Variants in USP48 observed in about 807,000 individuals in gnomAD.
USP48 encodes the protein ubiquitin specific peptidase 48.
USP48 carries 43 observed loss-of-function variants against 150.7 expected under a neutral mutation model. The ratio of observed to expected loss-of-function variants is 0.29; its 90% CI spans 0.22 to 0.37. USP48 has a LOEUF of 0.37. USP48 is among the 10% of genes least tolerant of loss of function. USP48 has a pLI of 1.00. For missense variants in USP48, 813 were observed against 1,249.6 expected (o/e 0.65, Z 5.27); for synonymous variants, 396 against 425.9 (o/e 0.93, Z 0.86).
At position 21,706,583 on chromosome 1, in the gene USP48, C is replaced by G; in HGVS notation, c.2095G>C (p.Glu699Gln). The G allele has an allele frequency of 6.2e-7, 1 of 1,614,166 alleles. No individual in the cohort carries two copies. The change falls in exon 17 of 27, where the codon GAA becomes CAA. Residue 699 changes from glutamate (E) to glutamine (Q), a missense_variant. Physicochemically the swap from Glu to Gln is conservative, Grantham distance 29 (BLOSUM62 2). Coordinates refer to ENST00000308271, the MANE Select transcript of USP48 (RefSeq NM_032236.8). The stretch of plus-strand genomic sequence containing the variant: ...GCTTCATTTTCTTCCCCTTCTCTTT[C>G]TAAAATCTGAAAGAGAATGAAGCAA... ...KECCSQCKILEREGEENEALH... is the reference protein window; with the variant it reads ...KECCSQCKILQREGEENEALH...
intron 25 of USP48, among the ~76,000 whole-genome samples, chr1:21,683,639 G>A (rs567651329): frequency 1.1e-4 from 16 of 152,186 alleles, no homozygotes; most frequent in South Asian, 6.2e-4. Flanking sequence ...CACTGCGCCC[G>A]GCCTATCATT....
At chr1:21,720,887 T>C (rs2097718716) in intron 14 of USP48, 149 bp downstream of exon 14, 1 of 1,016,194 alleles carries the variant, frequency 9.8e-7, no homozygotes. Context: ...TGGAGTGCAG[T>C]GGGGCTGGCA....
chr1:21,696,073 TAAAG>T (rs901369665), intron 22 of USP48, among the ~76,000 whole-genome samples: 12 of 152,174 alleles, frequency 7.9e-5, no homozygotes, highest in African/African-American at 2.9e-4. Flanking sequence ...ATAAGTAACA[TAAAG>T]AAGCAATCAG....
At chr1:21,696,312 G>A (rs2097630299) in intron 22 of USP48, among the ~76,000 whole-genome samples, 1 of 152,164 alleles carries the variant, frequency 6.6e-6, no homozygotes, top group African/African-American at 2.4e-5. Flanking sequence ...GGTGGCTCAT[G>A]CCTGTAATCC....
chr1:21,775,716 C>T (rs997838212), intron 1 of USP48, among the ~76,000 whole-genome samples: 4 of 152,170 alleles, frequency 2.6e-5, no homozygotes, highest in African/African-American at 4.8e-5. Context: ...TCCCTATACA[C>T]GGCTGGAAGC....
intron 22 of USP48, among the ~76,000 whole-genome samples, chr1:21,696,395 G>A (rs1400484211): frequency 1.3e-5 from 2 of 152,142 alleles, no homozygotes; most frequent in Admixed American, 6.5e-5. Flanking sequence ...CCGAGATTGC[G>A]CCACTGCACT....
At chr1:21,753,866 G>A (rs914117916) in intron 3 of USP48, among the ~76,000 whole-genome samples, 1 of 149,204 alleles carries the variant, frequency 6.7e-6, no homozygotes, top group African/African-American at 2.5e-5. Context: ...AGACAGGGCT[G>A]GCGCAGTGGC....
chr1:21,725,960 C>G (rs146808481), intron 11 of USP48, among the ~76,000 whole-genome samples: 1,828 of 152,210 alleles, frequency 0.012, 20 homozygotes, highest in Non-Finnish European at 0.018. Context: ...AGATCAAAGT[C>G]TTAGCATACT....
intron 23 of USP48, 27 bp from the exon 24 acceptor site, chr1:21,690,126 C>A (rs760813955): frequency 6.3e-7 from 1 of 1,599,474 alleles, no homozygotes; most frequent in Non-Finnish European, 8.5e-7. Context: ...GAGAGAAAGT[C>A]CGTATAATGC....
chr1:21,710,647 T>C (rs2097687671), intron 15 of USP48, among the ~76,000 whole-genome samples: 1 of 152,180 alleles, frequency 6.6e-6, no homozygotes, highest in Non-Finnish European at 1.5e-5. Context: ...AAACCTGTGA[T>C]ACATTAAATA....
intron 16 of USP48, 68 bp from the exon 17 acceptor site, chr1:21,706,657 C>CT: frequency 6.2e-7 from 1 of 1,612,426 alleles, no homozygotes; most frequent in Admixed American, 1.7e-5. Flanking sequence ...CCCTACACCC[C>CT]CGTCAGAAGT....
chr1:21,693,832 T>TA (rs1468631244), intron 23 of USP48, among the ~76,000 whole-genome samples: 3 of 152,290 alleles, frequency 2.0e-5, no homozygotes, highest in Admixed American at 1.3e-4. Context: ...CCAAGGGAAA[T>TA]ACTGTTGTCA....
At chr1:21,737,645 G>A (rs146381008) in intron 8 of USP48, among the ~76,000 whole-genome samples, 1 of 152,102 alleles carries the variant, frequency 6.6e-6, no homozygotes, top group East Asian at 1.9e-4. Context: ...TTATTTACTG[G>A]AAAACAAAAC....
chr1:21,763,579 C>T (rs1448326258), intron 1 of USP48, among the ~76,000 whole-genome samples: 4 of 152,180 alleles, frequency 2.6e-5, no homozygotes, highest in Non-Finnish European at 5.9e-5. Flanking sequence ...TTTGAGAGGC[C>T]AAGGCGGGCA....
intron 6 of USP48, among the ~76,000 whole-genome samples, chr1:21,749,154 G>A (rs1389418371): frequency 6.6e-6 from 1 of 152,044 alleles, no homozygotes; most frequent in Admixed American, 6.6e-5. Context: ...TCAAACTCCT[G>A]AGCTCAAGCT....
intron 22 of USP48, among the ~76,000 whole-genome samples, chr1:21,697,479 T>G (rs538865755): frequency 1.3e-5 from 2 of 151,940 alleles, no homozygotes; most frequent in Admixed American, 6.6e-5. Context: ...CTGGCTAACA[T>G]GGTGAAACCC....
chr1:21,714,048 C>A (rs935060662), intron 15 of USP48, among the ~76,000 whole-genome samples: 2 of 152,156 alleles, frequency 1.3e-5, no homozygotes, highest in African/African-American at 4.8e-5. Context: ...CTAGTATCAT[C>A]AAGGGCACTT....
Position 21,736,537 on chromosome 1 carries a change from A to G in USP48, c.1080T>C (p.Asp360=), listed in dbSNP as rs1364014511. The G allele has an allele frequency of 3.8e-6, 6 of 1,599,486 alleles. No homozygotes were observed. The highest frequency in any genetic ancestry group is 2.7e-5 in the African/African-American group (2 of 73,886). The change falls in exon 9 of 27, where the codon GAT becomes GAC. Residue 360 remains aspartate (D), a synonymous_variant. Transcript: ENST00000308271. ...ACTTATACCATTCACCAGACTGTGGATCTTTCACGTGGGCGATGTAGTGGC... is the reference window on the plus strand; with the variant it reads ...ACTTATACCATTCACCAGACTGTGGGTCTTTCACGTGGGCGATGTAGTGGC... ...YSGHYIAHVK[D]PQSGEWYKFN...
chr1:21,767,230 T>C (rs1250318210), intron 1 of USP48, among the ~76,000 whole-genome samples: 1 of 152,152 alleles, frequency 6.6e-6, no homozygotes, highest in Non-Finnish European at 1.5e-5. Flanking sequence ...GTATCATTTG[T>C]AGAGATGGGG....
Sources: gnomAD v4.1 joint callset for allele counts (sites outside exome capture counted in the v4.1 genomes callset) on GRCh38, gnomAD v4.1.1 for gene constraint, MANE v1.5 for transcripts, NCBI Gene and HGNC (gene_info 2026-07-23, HGNC 2026-07-21) for gene names.